Variants in ATP2B4 observed in about 807,000 individuals in gnomAD.
ATP2B4 encodes the protein ATPase plasma membrane Ca2+ transporting 4.
Under a neutral mutation model 110.3 loss-of-function variants are expected in ATP2B4, and 39 were observed. The ratio of observed to expected loss-of-function variants is 0.35; its 90% CI spans 0.27 to 0.46. The LOEUF is 0.46. ATP2B4 is among the 20% of genes least tolerant of loss of function. ATP2B4 has a pLI of 1.00. For synonymous variants in ATP2B4, 538 were observed against 571.7 expected, an observed-to-expected ratio of 0.94 and a Z score of 0.84; for missense variants, 1,135 against 1,530.9, an observed-to-expected ratio of 0.74 and a Z score of 4.32.
Position 203,735,804 on chromosome 1 carries a change from CTTCTG to C in ATP2B4, c.3310-3734_3310-3730del, listed in dbSNP as rs1666863963. ...AGTTCTGCCATCCCCTTCTAACTAG[CTTCTG>C]TTCTGTTTTAATCATCCCTTTCTGA... On this transcript the variant is annotated intron_variant, in intron 20 of 20. Coordinates refer to ENST00000357681, the MANE Select transcript of ATP2B4 (RefSeq NM_001684.5). 2.6e-5 allele frequency among the ~76,000 whole-genome samples: 4 copies of C among 152,272 alleles called. No homozygotes were observed. In the South Asian group the frequency reaches 8.3e-4, roughly 32 times the overall value.
chr1:203,635,586 A>G (rs1663413358), intron 1 of ATP2B4, among the ~76,000 whole-genome samples: 1 of 152,070 alleles, frequency 6.6e-6, no homozygotes, highest in African/African-American at 2.4e-5. Context: ...GGATAACTTG[A>G]GGCTGCAGTG....
intron 1 of ATP2B4, among the ~76,000 whole-genome samples, chr1:203,670,669 C>A (rs115082053): frequency 2.8e-4 from 43 of 152,338 alleles, no homozygotes; most frequent in African/African-American, 9.9e-4. Context: ...GTTGGTTTGA[C>A]AGGTTTAGAA....
At chr1:203,709,604 A>G (rs955558580) in intron 11 of ATP2B4, 62 bp downstream of exon 11, 5 of 1,604,452 alleles carry the variant, frequency 3.1e-6, no homozygotes, top group Admixed American at 1.7e-5. Flanking sequence ...GCATGGGTGC[A>G]CACCCCACAC....
At position 203,707,100 on chromosome 1, in the gene ATP2B4, G is replaced by A; in HGVS notation, c.1191G>A (p.Glu397=). 1 of 1,614,160 alleles carries A rather than the reference G, an allele frequency of 6.2e-7. No homozygotes were observed. Among genetic ancestry groups the A allele is most frequent in the Non-Finnish European group, 8.5e-7 (1 of 1,180,022 alleles). The change falls in exon 9 of 21, where the codon GAG becomes GAA. Residue 397 remains glutamate (E), a synonymous_variant. Coordinates refer to ENST00000357681, the MANE Select transcript of ATP2B4 (RefSeq NM_001684.5). Reference sequence around the variant, plus strand: ...TAAATCGCAGACCATGGCTCCCTGAGTGTACTCCCATCTACATCCAGTACT... The same window carrying A: ...TAAATCGCAGACCATGGCTCCCTGAATGTACTCCCATCTACATCCAGTACT... ...FVINRRPWLP[E]CTPIYIQYFV...
chr1:203,714,084 G>C (rs1666090310), intron 14 of ATP2B4, 87 bp from the exon 15 acceptor site: 1 of 1,277,810 alleles, frequency 7.8e-7, no homozygotes, highest in Non-Finnish European at 1.1e-6. Flanking sequence ...GGGAAGGAAA[G>C]AAGAAAGTAG....
At chr1:203,710,360 A>C (rs568787989) in intron 11 of ATP2B4, among the ~76,000 whole-genome samples, 1 of 151,508 alleles carries the variant, frequency 6.6e-6, no homozygotes, top group Non-Finnish European at 1.5e-5. Flanking sequence ...ACAGAGTGAG[A>C]CTCCATTACA....
chr1:203,667,903 T>C (rs1238129708), intron 1 of ATP2B4, among the ~76,000 whole-genome samples: 1 of 152,214 alleles, frequency 6.6e-6, no homozygotes, highest in Non-Finnish European at 1.5e-5. Context: ...TCTCTGGTGA[T>C]GAAGATCTTG....
intron 8 of ATP2B4, among the ~76,000 whole-genome samples, chr1:203,704,767 AC>A (rs1442658664): frequency 4.6e-5 from 7 of 152,088 alleles, no homozygotes; most frequent in Non-Finnish European, 1.0e-4. Context: ...GGCATAAGCC[AC>A]CGCACCCTGC....
chr1:203,671,791 C>T (rs2102345466), intron 1 of ATP2B4, among the ~76,000 whole-genome samples: 1 of 152,328 alleles, frequency 6.6e-6, no homozygotes, highest in Non-Finnish European at 1.5e-5. Flanking sequence ...CACCCCAAAG[C>T]TAAGGAGAAA....
At chr1:203,703,167 GA>G (rs1665745947) in intron 7 of ATP2B4, among the ~76,000 whole-genome samples, 1 of 77,502 alleles carries the variant, frequency 1.3e-5, no homozygotes, top group African/African-American at 6.3e-5. Flanking sequence ...TGACAATCGA[GA>G]GAGAGAGAGA....
chr1:203,650,736 C>T (rs149311351), intron 1 of ATP2B4, among the ~76,000 whole-genome samples: 43 of 152,318 alleles, frequency 2.8e-4, no homozygotes, highest in African/African-American at 9.6e-4. Flanking sequence ...ATGCCGGCTG[C>T]GGAAGTCCCG....
At chr1:203,687,900 G>T (rs1390741277) in intron 2 of ATP2B4, among the ~76,000 whole-genome samples, 1 of 151,996 alleles carries the variant, frequency 6.6e-6, no homozygotes, top group Non-Finnish European at 1.5e-5. Context: ...TGGAGTATAA[G>T]TCAGAAGGCA....
chr1:203,686,685 C>CTTTTTTTTTT lies in ATP2B4; in HGVS notation c.193+3304_193+3313dup, dbSNP rs779048789. Among the ~76,000 whole-genome samples, 68 of 42,778 alleles carry CTTTTTTTTTT rather than the reference C, an allele frequency of 1.6e-3. 4 individuals carry two copies. Among genetic ancestry groups the CTTTTTTTTTT allele is most frequent in the African/African-American group, 2.2e-3 (22 of 9,918 alleles). The allele number at this position is 42,778 out of a possible 152,430, so 28.1% of individuals were successfully genotyped here. ...CCTGGTGTTTTTCTTTCTTTTCTTT[C>CTTTTTTTTTT]TTTTTTTTTTTTTTTTTTTTTTTTT... On this transcript the variant is annotated intron_variant, in intron 2 of 20. Transcript: ENST00000357681.
chr1:203,714,566 TAGA>T (rs1236957812), intron 15 of ATP2B4, among the ~76,000 whole-genome samples: 5 of 152,192 alleles, frequency 3.3e-5, no homozygotes, highest in African/African-American at 1.2e-4. Context: ...AGGCAAACTC[TAGA>T]AGATTTGTGT....
At chr1:203,674,848 G>A (rs1664783536) in intron 1 of ATP2B4, among the ~76,000 whole-genome samples, 1 of 151,828 alleles carries the variant, frequency 6.6e-6, no homozygotes, top group Admixed American at 6.6e-5. Flanking sequence ...AGTAGAGACG[G>A]GGTTTCACCA....
intron 1 of ATP2B4, among the ~76,000 whole-genome samples, chr1:203,665,482 G>A (rs558763459): frequency 1.8e-4 from 28 of 152,228 alleles, no homozygotes; most frequent in Middle Eastern, 3.4e-3. Flanking sequence ...AGGTGTCTCT[G>A]CCCCTGTCCT....
rs77832817 is a variant in ATP2B4, at chr1:203,739,019, G to A, written c.3310-527G>A. On this transcript the variant is annotated intron_variant, in intron 20 of 20. Transcript: ENST00000357681. ...TTCATGGTCACTCGTCACCCAACCT[G>A]TATTATGTGCAGATTGGTGTATGCT... 5.9e-5 allele frequency among the ~76,000 whole-genome samples: 9 copies of A among 152,308 alleles called. No individual in the cohort carries two copies. The East Asian group carries it at 1.7e-3, about 29-fold the overall frequency.
Position 203,741,954 on chromosome 1 carries a change from T to A in ATP2B4, c.*2100T>A, listed in dbSNP as rs1249771414. ...AGCCAATAACGAGCTTTGAAGGCTA[T>A]TTTACCATTCCTGTTCACAAAAGGT... On this transcript the variant is annotated 3_prime_UTR_variant, in exon 21 of 21. Transcript: ENST00000357681. 1 of 152,652 alleles carries A rather than the reference T, an allele frequency of 6.6e-6. No individual in the cohort carries two copies. Among genetic ancestry groups the A allele is most frequent in the East Asian group, 1.9e-4 (1 of 5,200 alleles). The allele number at this position is 152,652 out of a possible 1,614,324, so 9.5% of individuals were successfully genotyped here.
At chr1:203,721,094 C>A in intron 16 of ATP2B4, 103 bp from the exon 17 acceptor site, 1 of 1,235,784 alleles carries the variant, frequency 8.1e-7, no homozygotes. Flanking sequence ...AGGAAGTGGC[C>A]AGATTCCAAG....
Sources: gnomAD v4.1 joint callset for allele counts (sites outside exome capture counted in the v4.1 genomes callset) on GRCh38, gnomAD v4.1.1 for gene constraint, MANE v1.5 for transcripts, NCBI Gene and HGNC (gene_info 2026-07-23, HGNC 2026-07-21) for gene names.